The following CDK14 variants were observed in gnomAD, a reference collection of about 807,000 sequenced individuals.
CDK14 encodes the protein cyclin dependent kinase 14.
A neutral mutation model predicts 60.7 loss-of-function variants in CDK14; 34 were observed. The observed-to-expected ratio is 0.56, with a 90% CI of 0.43 to 0.75. The LOEUF (loss-of-function observed/expected upper bound fraction) is 0.75. Among genes scored for constraint, CDK14 ranks in the 30% least tolerant of loss-of-function variants. The pLI, the probability that CDK14 is intolerant of heterozygous loss-of-function variation, is 0.00. For synonymous variants in CDK14, 197 were observed against 203.7 expected, an observed-to-expected ratio of 0.97 and a Z score of 0.28; for missense variants, 482 against 564.1, an observed-to-expected ratio of 0.85 and a Z score of 1.47.
Position 90,596,512 on chromosome 7 carries a change from C to T in CDK14, c.-116C>T. Reference sequence around the variant, plus strand: ...TAGACCTGCGCGTCGCTTCCCGGCCCGCCGAGGAGGTGGTGGAGGAGGAGG... The same window carrying T: ...TAGACCTGCGCGTCGCTTCCCGGCCTGCCGAGGAGGTGGTGGAGGAGGAGG... On this transcript the variant is annotated 5_prime_UTR_variant, in exon 1 of 15. Transcript: ENST00000380050. The T allele has an allele frequency of 3.8e-6, 3 of 795,282 alleles. No homozygotes were observed. Among genetic ancestry groups the T allele is most frequent in the Non-Finnish European group, 6.2e-6 (3 of 483,052 alleles). The allele number at this position is 795,282 out of a possible 1,614,324, so 49.3% of individuals were successfully genotyped here. A position where few individuals can be genotyped will look rare whatever the true frequency, so the allele number is the denominator to read the frequency against.
At chr7:90,748,315 C>T (rs1452610123) in intron 4 of CDK14, among the ~76,000 whole-genome samples, 1 of 152,066 alleles carries the variant, frequency 6.6e-6, no homozygotes, top group Non-Finnish European at 1.5e-5. Flanking sequence ...TTCTTTCTCT[C>T]CATTGCTCTC....
At chr7:91,194,145 T>C (rs1802458883) in intron 14 of CDK14, among the ~76,000 whole-genome samples, 1 of 152,134 alleles carries the variant, frequency 6.6e-6, no homozygotes, top group Non-Finnish European at 1.5e-5. Context: ...TAGAATTTCT[T>C]TTAATAAGGA....
intron 4 of CDK14, among the ~76,000 whole-genome samples, chr7:90,765,395 A>T (rs982356662): frequency 3.9e-5 from 6 of 152,208 alleles, no homozygotes; most frequent in Admixed American, 2.0e-4. Flanking sequence ...AACAGAAGGG[A>T]TGAAATAACA....
At chr7:91,204,721 G>A (rs2116016531) in intron 14 of CDK14, among the ~76,000 whole-genome samples, 1 of 152,342 alleles carries the variant, frequency 6.6e-6, no homozygotes, top group Non-Finnish European at 1.5e-5. Context: ...GGCCAAGGCA[G>A]GCAGATGGCT....
chr7:91,044,394 C>G (rs966258956), intron 10 of CDK14, among the ~76,000 whole-genome samples: 1 of 152,136 alleles, frequency 6.6e-6, no homozygotes, highest in Non-Finnish European at 1.5e-5. Context: ...CTTTATCATG[C>G]GGATGAAGCC....
intron 14 of CDK14, among the ~76,000 whole-genome samples, chr7:91,182,020 T>C (rs1802017789): frequency 6.6e-6 from 1 of 152,164 alleles, no homozygotes; most frequent in Admixed American, 6.5e-5. Flanking sequence ...ACATTATAAA[T>C]TTATATTCAT....
At chr7:90,881,961 C>T (rs551067781) in intron 6 of CDK14, among the ~76,000 whole-genome samples, 3 of 152,196 alleles carry the variant, frequency 2.0e-5, no homozygotes, top group South Asian at 2.1e-4. Context: ...AAGGAAAAAC[C>T]GGTACCAGCC....
chr7:91,187,982 G>A (rs910495392), intron 14 of CDK14, among the ~76,000 whole-genome samples: 2 of 152,186 alleles, frequency 1.3e-5, no homozygotes, highest in Non-Finnish European at 2.9e-5. Context: ...TTTCCTATTG[G>A]CACAACTGCC....
intron 2 of CDK14, among the ~76,000 whole-genome samples, chr7:90,681,619 A>G (rs1469574152): frequency 6.6e-6 from 1 of 152,214 alleles, no homozygotes; most frequent in Non-Finnish European, 1.5e-5. Flanking sequence ...ATATAAGTGC[A>G]TAAAAAAGAA....
chr7:90,914,265 G>A (rs920187356), intron 7 of CDK14, among the ~76,000 whole-genome samples: 14 of 152,052 alleles, frequency 9.2e-5, no homozygotes, highest in Non-Finnish European at 7.4e-5. Context: ...CTTGTGATTC[G>A]TTCCCTTCTC....
At chr7:91,002,793 G>T (rs779347012) in intron 10 of CDK14, among the ~76,000 whole-genome samples, 15 of 152,134 alleles carry the variant, frequency 9.9e-5, no homozygotes, top group Non-Finnish European at 2.1e-4. Context: ...ATCAGATGTG[G>T]CCGGGCCCGG....
intron 11 of CDK14, among the ~76,000 whole-genome samples, chr7:91,059,711 G>T (rs974667209): frequency 1.3e-5 from 2 of 152,142 alleles, no homozygotes; most frequent in African/African-American, 4.8e-5. Flanking sequence ...GTAGTTGAGC[G>T]GTTTTGAGTG....
At chr7:90,932,657 G>A (rs978313772) in intron 8 of CDK14, among the ~76,000 whole-genome samples, 8 of 152,190 alleles carry the variant, frequency 5.3e-5, no homozygotes, top group Admixed American at 2.6e-4. Context: ...AAAAATTACC[G>A]CAAAATAAGC....
chr7:91,076,794 C>G (rs533494638), intron 11 of CDK14, among the ~76,000 whole-genome samples: 1 of 152,200 alleles, frequency 6.6e-6, no homozygotes, highest in South Asian at 2.1e-4. Context: ...GGAACTTAAA[C>G]AGATTTACAA....
intron 11 of CDK14, among the ~76,000 whole-genome samples, chr7:91,068,407 CCT>C (rs1168688825): frequency 1.3e-5 from 2 of 152,124 alleles, no homozygotes; most frequent in African/African-American, 2.4e-5. Context: ...GTCAATTACC[CCT>C]GTTTGATTGA....
chr7:91,046,042 A>AC, intron 11 of CDK14, 82 bp downstream of exon 11: 1 of 889,296 alleles, frequency 1.1e-6, no homozygotes, highest in Admixed American at 1.9e-5. Context: ...CAAGCAATAT[A>AC]CCACCTTGAA....
intron 4 of CDK14, among the ~76,000 whole-genome samples, chr7:90,786,613 G>A (rs754160483): frequency 2.6e-5 from 4 of 151,928 alleles, no homozygotes; most frequent in Non-Finnish European, 5.9e-5. Flanking sequence ...AAATATTTCA[G>A]GTCATATTAA....
rs146574173 is a variant in CDK14, at chr7:91,031,619, G to A, written c.1042-14278G>A. On this transcript the variant is annotated intron_variant, in intron 10 of 14. Transcript: ENST00000380050. ...TGGGGCCTTAGCCAAACGATTAGATGTGGATTGTTGTTAAATGACGTAGTG... is the reference window on the plus strand; with the variant it reads ...TGGGGCCTTAGCCAAACGATTAGATATGGATTGTTGTTAAATGACGTAGTG... Among the ~76,000 whole-genome samples the A allele has an allele frequency of 2.8e-3, 420 of 152,280 alleles. 1 individual carries two copies. The highest frequency in any genetic ancestry group is 9.6e-3 in the African/African-American group (400 of 41,552).
intron 14 of CDK14, among the ~76,000 whole-genome samples, chr7:91,128,707 A>C (rs1800025537): frequency 6.6e-6 from 1 of 152,166 alleles, no homozygotes; most frequent in African/African-American, 2.4e-5. Context: ...AACTCAAGAC[A>C]GGCAAGTTGA....
Sources: gnomAD v4.1 joint callset for allele counts (sites outside exome capture counted in the v4.1 genomes callset) on GRCh38, gnomAD v4.1.1 for gene constraint, MANE v1.5 for transcripts, NCBI Gene and HGNC (gene_info 2026-07-23, HGNC 2026-07-21) for gene names.